The following BAZ2A variants were observed in gnomAD, a reference collection of about 807,000 sequenced individuals.
BAZ2A encodes the protein bromodomain adjacent to zinc finger domain 2A, also known as bromodomain adjacent to zinc finger domain protein 2A.
A neutral mutation model predicts 199.9 loss-of-function variants in BAZ2A; 34 were observed. The observed-to-expected ratio is 0.17, with a 90% confidence interval of 0.13 to 0.23. BAZ2A has a LOEUF of 0.23. Among genes scored for constraint, BAZ2A ranks in the 10% least tolerant of loss-of-function variants. The probability of loss-of-function intolerance (pLI) is 1.00; values close to 1 mark genes in which losing one functional copy is unlikely to be tolerated. For synonymous variants in BAZ2A, 857 were observed against 883.9 expected (o/e 0.97, Z 0.54); for missense variants, 2,002 against 2,391.1 (o/e 0.84, Z 3.39).
Position 56,602,058 on chromosome 12 carries a change from G to C in BAZ2A, c.3559C>G (p.Arg1187Gly). Residue 1187 changes from arginine to glycine, a missense_variant, in exon 20 of 29, where the codon CGA becomes GGA. Physicochemically the swap from Arg to Gly is moderately radical, Grantham distance 125. Coordinates refer to ENST00000549884, the MANE Select transcript of BAZ2A (RefSeq NM_001300905.2). ...GGCTTAGTTTTTCGAGGTCGGCCTCGGGCCCGGGCAGGAGAACTGGCAGTG... is the reference window on the plus strand; with the variant it reads ...GGCTTAGTTTTTCGAGGTCGGCCTCCGGCCCGGGCAGGAGAACTGGCAGTG... ...NTTASSPARA[R>G]GRPRKTKPGS... 1.3e-6 allele frequency: 2 copies of C among 1,560,762 alleles called. No individual in the cohort carries two copies. The highest frequency in any genetic ancestry group is 8.7e-7 in the Non-Finnish European group (1 of 1,152,108).
At chr12:56,613,917 A>G (rs751244812) in intron 4 of BAZ2A, 36 bp downstream of exon 4, 4 of 1,591,682 alleles carry the variant, frequency 2.5e-6, no homozygotes, top group Non-Finnish European at 3.4e-6. Flanking sequence ...GCTACTCTGC[A>G]TGGATAAGTT....
At chr12:56,602,646 A>C in intron 19 of BAZ2A, 67 bp downstream of exon 19, 1 of 1,563,416 alleles carries the variant, frequency 6.4e-7, no homozygotes, top group Non-Finnish European at 8.7e-7. Context: ...AAGACTACTA[A>C]GGAAAAGGAA....
upstream of BAZ2A, chr12:56,635,134 G>A (rs1213987968): frequency 5.4e-6 from 4 of 735,046 alleles, no homozygotes; most frequent in Non-Finnish European, 6.6e-6. This position sits in a 1 kb window ranked among gnomAD's most constrained non-coding sequence, Gnocchi z 4.1. Context: ...AGGATCCACT[G>A]GGGGAGAGGA....
chr12:56,608,610 C>T (rs1470011821), intron 10 of BAZ2A, among the ~76,000 whole-genome samples: 2 of 151,718 alleles, frequency 1.3e-5, no homozygotes, highest in African/African-American at 4.8e-5. Flanking sequence ...ACTCTTGTTG[C>T]CCAGGCTGGA....
intron 1 of BAZ2A, among the ~76,000 whole-genome samples, chr12:56,625,545 G>A (rs879381515): frequency 3.9e-5 from 6 of 152,048 alleles, no homozygotes; most frequent in Non-Finnish European, 5.9e-5. Context: ...TCATGAGGCA[G>A]GTTACAGAGT....
At chr12:56,623,012 G>A (rs376197613) in intron 1 of BAZ2A, among the ~76,000 whole-genome samples, 19 of 152,104 alleles carry the variant, frequency 1.2e-4, no homozygotes, top group African/African-American at 3.1e-4. Flanking sequence ...CGAGGTGAGC[G>A]GATCACGAGG....
rs1233286367 is a variant in BAZ2A at position 56,630,286 on chromosome 12, C to T, written c.-164G>A. The T allele has an allele frequency of 5.1e-6, 5 of 984,844 alleles. No individual in the cohort carries two copies. Among genetic ancestry groups the T allele is most frequent in the Non-Finnish European group, 6.0e-6 (5 of 829,492 alleles). The allele number at this position is 984,844 out of a possible 1,614,324, so 61.0% of individuals were successfully genotyped here. A position where few individuals can be genotyped will look rare whatever the true frequency, so the allele number is the denominator to read the frequency against. ...GGGGGAGGGGGACGCGGCTCAACCG[C>T]GGGGCCCGAGAGGAGCCAACATGGC... On this transcript the variant is annotated 5_prime_UTR_variant, in exon 1 of 29. Coordinates refer to ENST00000549884, the MANE Select transcript of BAZ2A (RefSeq NM_001300905.2).
intron 7 of BAZ2A, among the ~76,000 whole-genome samples, chr12:56,610,848 G>C (rs746457701): frequency 6.6e-6 from 1 of 152,164 alleles, no homozygotes; most frequent in Non-Finnish European, 1.5e-5. Flanking sequence ...CAGTAAAGAG[G>C]ATAAAGACCT....
chr12:56,600,887 A>G (rs1196340180), intron 22 of BAZ2A, 55 bp from the exon 23 acceptor site: 2 of 1,611,348 alleles, frequency 1.2e-6, no homozygotes, highest in Non-Finnish European at 1.7e-6. Context: ...CCCTAGCAGC[A>G]GCTCAATGCT....
At position 56,599,789 on chromosome 12, in the gene BAZ2A, A is replaced by G; in HGVS notation, c.5085T>C (p.Cys1695=). Residue 1695 remains cysteine, a synonymous_variant, in exon 26 of 29, where the codon TGT becomes TGC. Transcript: ENST00000549884. ...NDEFLLLCDG[C]DRGCHIYCHR... ...GGCAGTAAATGTGGCAGCCACGGTC[A>G]CACCCATCACAAAGCAGAAGAAACT... 6.2e-7 allele frequency: 1 copy of G among 1,614,022 alleles called. No individual in the cohort carries two copies. Among genetic ancestry groups the G allele is most frequent in the Non-Finnish European group, 8.5e-7 (1 of 1,179,884 alleles).
At chr12:56,621,168 A>G (rs1262061871) in intron 1 of BAZ2A, 2 of 985,200 alleles carry the variant, frequency 2.0e-6, no homozygotes, top group African/African-American at 1.7e-5. Flanking sequence ...GCAGTGGACT[A>G]TATCCTCCTC....
At chr12:56,605,438 T>C in intron 13 of BAZ2A, 111 bp from the exon 14 acceptor site, 1 of 1,168,806 alleles carries the variant, frequency 8.6e-7, no homozygotes, top group Non-Finnish European at 1.2e-6. Context: ...TTTTTTTTTT[T>C]TGAGATAGGG....
intron 1 of BAZ2A, among the ~76,000 whole-genome samples, chr12:56,623,785 C>G (rs185247649): frequency 6.6e-6 from 1 of 152,106 alleles, no homozygotes; most frequent in African/African-American, 2.4e-5. Context: ...ATCTGGCCCA[C>G]GTTATCAATA....
At chr12:56,610,042 C>T (rs543542882) in intron 9 of BAZ2A, 72 bp downstream of exon 9, 95 of 1,601,382 alleles carry the variant, frequency 5.9e-5, no homozygotes, top group Admixed American at 2.2e-4. Flanking sequence ...TCAAACCCCA[C>T]GAGAGGAAGC....
intron 26 of BAZ2A, 32 bp downstream of exon 26, chr12:56,599,670 T>C (rs370679665): frequency 1.2e-6 from 2 of 1,611,936 alleles, no homozygotes; most frequent in Non-Finnish European, 1.7e-6. Context: ...GATTTCTGTT[T>C]GAGTGTGGGA....
Position 56,613,245 on chromosome 12 carries a change from G to A in BAZ2A, c.917-12C>T. Reference sequence around the variant, plus strand: ...TCCACTCACTGGCTCTGTTTACAAGGGTAGAAAAATCAGAGCAGGATAATG... The same window carrying A: ...TCCACTCACTGGCTCTGTTTACAAGAGTAGAAAAATCAGAGCAGGATAATG... On this transcript the variant is annotated splice_polypyrimidine_tract_variant and intron_variant, in intron 4 of 28. Transcript: ENST00000549884. 1 of 1,610,530 alleles carries A rather than the reference G, an allele frequency of 6.2e-7. No homozygotes were observed.
rs908451617 is a variant in BAZ2A at position 56,598,207 on chromosome 12, T to C, written c.*411A>G. ...TCCGCACACAGTACAGAGTGTTTCT[T>C]GGTTTCACACATTCACTAGAACTAT... On this transcript the variant is annotated 3_prime_UTR_variant, in exon 29 of 29. Coordinates refer to ENST00000549884, the MANE Select transcript of BAZ2A (RefSeq NM_001300905.2). 4.8e-6 allele frequency: 1 copy of C among 207,498 alleles called. No homozygotes were observed. Among genetic ancestry groups the C allele is most frequent in the African/African-American group, 2.4e-5 (1 of 42,362 alleles). 12.9% of individuals were successfully genotyped at this position (207,498 alleles called of 1,614,324 possible).
chr12:56,599,599 G>A, intron 26 of BAZ2A, 103 bp downstream of exon 26: 1 of 1,511,918 alleles, frequency 6.6e-7, no homozygotes, highest in South Asian at 1.3e-5. Context: ...TTAGAACCCA[G>A]GTCCCCTAAT....
chr12:56,612,786 C>G (rs550183255), intron 5 of BAZ2A, among the ~76,000 whole-genome samples: 1 of 152,346 alleles, frequency 6.6e-6, no homozygotes, highest in South Asian at 2.1e-4. Flanking sequence ...ACACACCTGG[C>G]TAATTTTTGT....
Sources: gnomAD v4.1 joint callset for allele counts (sites outside exome capture counted in the v4.1 genomes callset) on GRCh38, gnomAD v4.1.1 for gene constraint, Gnocchi (gnomAD v3.1) non-coding constraint, MANE v1.5 for transcripts, NCBI Gene and HGNC (gene_info 2026-07-23, HGNC 2026-07-21) for gene names.